MYO10: variants seen among roughly 807,000 people sequenced by gnomAD.
MYO10 encodes unconventional myosin-X.
In MYO10, 133 loss-of-function variants were observed where a neutral mutation model predicts 257.3. The ratio of observed to expected loss-of-function variants is 0.52; its 90% confidence interval spans 0.45 to 0.60. The LOEUF (loss-of-function observed/expected upper bound fraction) is 0.60, where lower values mean the gene tolerates loss of function less well. MYO10 is among the 20% of genes least tolerant of loss of function. The pLI, the probability that MYO10 is intolerant of heterozygous loss-of-function variation, is 0.00. For missense variants in MYO10, 2,399 were observed against 2,635.7 expected (o/e 0.91, Z 1.97); for synonymous variants, 1,104 against 1,028.6 (o/e 1.07, Z -1.40).
intron 1 of MYO10, among the ~76,000 whole-genome samples, chr5:16,928,773 A>G (rs1746210842): frequency 6.7e-6 from 1 of 148,718 alleles, no homozygotes; most frequent in African/African-American, 2.5e-5. Flanking sequence ...TGAACCTGGG[A>G]GGTGGAGGTT....
chr5:16,698,627 T>G lies in MYO10; in HGVS notation c.3556+823A>C, dbSNP rs964023785. ...CCTGGCAGGAGAGAACATGCAGTTT[T>G]TTTTTTTTTTTTTTGAGACAGCGTC... On this transcript the variant is annotated intron_variant, in intron 26 of 40. Coordinates refer to ENST00000513610, the MANE Select transcript of MYO10 (RefSeq NM_012334.3). Among the ~76,000 whole-genome samples the G allele has an allele frequency of 5.4e-4, 73 of 134,640 alleles. 3 individuals carry two copies. The highest frequency in any genetic ancestry group is 2.4e-3 in the African/African-American group (72 of 29,938). 88.3% of individuals were successfully genotyped at this position (134,640 alleles called of 152,430 possible).
At chr5:16,932,183 TGTGA>T (rs1171803053) in intron 1 of MYO10, among the ~76,000 whole-genome samples, 1 of 152,248 alleles carries the variant, frequency 6.6e-6, no homozygotes, top group African/African-American at 2.4e-5. Context: ...TATTTGTATT[TGTGA>T]GTATCTTACT....
intron 2 of MYO10, among the ~76,000 whole-genome samples, chr5:16,836,397 C>T (rs1227753844): frequency 6.6e-6 from 1 of 152,166 alleles, no homozygotes; most frequent in Non-Finnish European, 1.5e-5. Flanking sequence ...TTATAACCCA[C>T]CTCCAGTGGT....
intron 12 of MYO10, 144 bp downstream of exon 12, chr5:16,764,106 C>T (rs1740798275): frequency 1.1e-6 from 1 of 916,218 alleles, no homozygotes; most frequent in Non-Finnish European, 1.7e-6. Context: ...GTGATCACGC[C>T]ACTGCACTCC....
At chr5:16,865,904 AG>A (rs1331185102) in intron 2 of MYO10, among the ~76,000 whole-genome samples, 8 of 151,976 alleles carry the variant, frequency 5.3e-5, no homozygotes, top group Non-Finnish European at 1.0e-4. Flanking sequence ...GTGATGAAAA[AG>A]TTTTGGAAAT....
At chr5:16,723,256 T>C (rs1030691833) in intron 19 of MYO10, among the ~76,000 whole-genome samples, 1 of 151,502 alleles carries the variant, frequency 6.6e-6, no homozygotes, top group Non-Finnish European at 1.5e-5. Context: ...GGCGTGGTGG[T>C]GGGCACCTGT....
chr5:16,799,333 T>C (rs1742053302), intron 3 of MYO10, among the ~76,000 whole-genome samples: 1 of 151,868 alleles, frequency 6.6e-6, no homozygotes, highest in South Asian at 2.1e-4. Context: ...ATGCTTGACT[T>C]TTTACAGTAA....
At chr5:16,893,649 A>AAAAAAG (rs1176985950) in intron 1 of MYO10, among the ~76,000 whole-genome samples, 1 of 97,112 alleles carries the variant, frequency 1.0e-5, no homozygotes, top group African/African-American at 6.4e-5. Context: ...AAAAAAAAAA[A>AAAAAAG]AAAGAAAATT....
chr5:16,847,811 A>G (rs1217698756), intron 2 of MYO10, among the ~76,000 whole-genome samples: 2 of 152,186 alleles, frequency 1.3e-5, no homozygotes, highest in Non-Finnish European at 2.9e-5. Context: ...GCTTGAGCCC[A>G]GGAGTTTGAG....
chr5:16,771,935 A>T (rs1466194092), intron 9 of MYO10, among the ~76,000 whole-genome samples: 3 of 150,658 alleles, frequency 2.0e-5, no homozygotes, highest in Admixed American at 6.6e-5. Flanking sequence ...CTTTATAAAG[A>T]CATAAAAAAG....
At chr5:16,877,079 AC>A (rs1017880173) in intron 2 of MYO10, among the ~76,000 whole-genome samples, 9 of 152,156 alleles carry the variant, frequency 5.9e-5, no homozygotes, top group Non-Finnish European at 8.8e-5. Flanking sequence ...GCCTCACAAG[AC>A]ACACAACTGC....
intron 25 of MYO10, among the ~76,000 whole-genome samples, chr5:16,700,092 G>A (rs1405927362): frequency 6.6e-6 from 1 of 152,056 alleles, no homozygotes; most frequent in Non-Finnish European, 1.5e-5. Flanking sequence ...TTCAATGCAC[G>A]ACCAAAGCGA....
At chr5:16,765,910 TC>T (rs1297150555) in intron 11 of MYO10, among the ~76,000 whole-genome samples, 169 bp downstream of exon 11, 9 of 152,228 alleles carry the variant, frequency 5.9e-5, no homozygotes, top group African/African-American at 1.9e-4. Context: ...CTTTGTCTAT[TC>T]CCAATCCTTT....
At chr5:16,764,464 C>T in intron 11 of MYO10, 68 bp from the exon 12 acceptor site, 1 of 1,572,648 alleles carries the variant, frequency 6.4e-7, no homozygotes, top group East Asian at 2.3e-5. Flanking sequence ...GCCATCCATT[C>T]CCCACTTGAG....
chr5:16,832,640 G>A (rs569329912), intron 2 of MYO10, among the ~76,000 whole-genome samples: 3 of 152,176 alleles, frequency 2.0e-5, no homozygotes, highest in East Asian at 1.9e-4. Context: ...CTCATGTCCC[G>A]GTCTTAATTT....
chr5:16,670,325 T>C (rs2126459373), intron 39 of MYO10, among the ~76,000 whole-genome samples: 1 of 152,250 alleles, frequency 6.6e-6, no homozygotes, highest in African/African-American at 2.4e-5. Context: ...TTCCTAATAT[T>C]ACAGATGTGT....
chr5:16,693,525 C>T (rs1737601823), intron 27 of MYO10, among the ~76,000 whole-genome samples: 1 of 152,210 alleles, frequency 6.6e-6, no homozygotes, highest in African/African-American at 2.4e-5. Flanking sequence ...TTTAACTTTC[C>T]ACTTTACAAT....
chr5:16,795,991 C>T (rs938689099), intron 3 of MYO10, among the ~76,000 whole-genome samples: 3 of 151,908 alleles, frequency 2.0e-5, no homozygotes, highest in Non-Finnish European at 2.9e-5. Context: ...AGACCAAGAC[C>T]ACCCTGGCTA....
At chr5:16,844,101 TC>T (rs1743561771) in intron 2 of MYO10, among the ~76,000 whole-genome samples, 1 of 152,238 alleles carries the variant, frequency 6.6e-6, no homozygotes, top group Admixed American at 6.5e-5. Flanking sequence ...TTGCTTTTTC[TC>T]CTTCACCCCA....
Sources: allele counts gnomAD v4.1 joint callset (sites outside exome capture counted in the v4.1 genomes callset), GRCh38; gene constraint gnomAD v4.1.1; transcripts MANE v1.5; gene names NCBI Gene and HGNC (gene_info 2026-07-23, HGNC 2026-07-21).